JUP: variants seen among roughly 807,000 people sequenced by gnomAD.
JUP encodes junction plakoglobin.
JUP carries 28 observed loss-of-function variants against 71.1 expected under a neutral mutation model. That is an observed-to-expected ratio of 0.39 (90% confidence interval 0.29 to 0.54). The LOEUF (loss-of-function observed/expected upper bound fraction) is 0.54. JUP is among the 20% of genes least tolerant of loss of function. The pLI, the probability that JUP is intolerant of heterozygous loss-of-function variation, is 0.62. For synonymous variants in JUP, 401 were observed against 438.9 expected, an observed-to-expected ratio of 0.91 and a Z score of 1.08; for missense variants, 869 against 1,030.1, an observed-to-expected ratio of 0.84 and a Z score of 2.14.
At chr17:41,778,337 G>A (rs2046982454) in intron 1 of JUP, among the ~76,000 whole-genome samples, 1 of 152,156 alleles carries the variant, frequency 6.6e-6, no homozygotes, top group South Asian at 2.1e-4. Context: ...GGCCAAGGCA[G>A]GTGAATCCCC....
At chr17:41,775,105 CAA>C (rs782000280) in intron 1 of JUP, among the ~76,000 whole-genome samples, 48 of 126,046 alleles carry the variant, frequency 3.8e-4, no homozygotes, top group Admixed American at 4.1e-4. Context: ...GACCCTGTCT[CAA>C]AAAAAAAAAA....
intron 5 of JUP, among the ~76,000 whole-genome samples, chr17:41,765,383 G>A (rs186716112): frequency 2.7e-5 from 4 of 148,672 alleles, no homozygotes; most frequent in Admixed American, 1.4e-4. Flanking sequence ...ATAGAGTCTC[G>A]CTCTGTCACC....
chr17:41,766,872 GAAAGA>G (rs1198483034), intron 5 of JUP, among the ~76,000 whole-genome samples: 2 of 148,552 alleles, frequency 1.3e-5, no homozygotes, highest in East Asian at 2.0e-4. Flanking sequence ...AAAAAAAAAA[GAAAGA>G]AAAGAAAAGG....
chr17:41,772,271 C>A, intron 1 of JUP: 1 of 320,572 alleles, frequency 3.1e-6, no homozygotes. Context: ...TCCCCTGGGC[C>A]CACCCTCAAC....
chr17:41,770,162 A>G (rs1410539909), intron 2 of JUP, among the ~76,000 whole-genome samples: 1 of 152,058 alleles, frequency 6.6e-6, no homozygotes, highest in African/African-American at 2.4e-5. Flanking sequence ...TTACACCCTC[A>G]TCATCCCCAA....
At chr17:41,767,619 G>C in intron 4 of JUP, 39 bp from the exon 5 acceptor site, 2 of 1,548,650 alleles carry the variant, frequency 1.3e-6, no homozygotes, top group East Asian at 4.5e-5. Context: ...TGAGGTCCCA[G>C]AGGCCTGGCA....
Position 41,767,588 on chromosome 17 carries a change from G to A in JUP, c.708-8C>T. ...ACCGACTCCACAGGGGAGCTGGGGG[G>A]GTGGGCAGGGGTTAGTACGCTGAGG... On this transcript the variant is annotated splice_region_variant and splice_polypyrimidine_tract_variant and intron_variant, in intron 4 of 13. Transcript: ENST00000393931. 2 of 1,582,226 alleles carry A rather than the reference G, an allele frequency of 1.3e-6. No homozygotes were observed. Among genetic ancestry groups the A allele is most frequent in the Admixed American group, 1.7e-5 (1 of 59,916 alleles).
intron 12 of JUP, 43 bp downstream of exon 12, chr17:41,757,372 A>G (rs782042011): frequency 6.2e-7 from 1 of 1,613,330 alleles, no homozygotes; most frequent in South Asian, 1.1e-5. Flanking sequence ...GGCAGTGCCC[A>G]ACTTGCACAA....
intron 1 of JUP, among the ~76,000 whole-genome samples, chr17:41,775,084 C>T (rs561653875): frequency 6.7e-6 from 1 of 149,856 alleles, no homozygotes; most frequent in Non-Finnish European, 1.5e-5. Context: ...GCCTGGCTGA[C>T]AACAGAGCAA....
intron 8 of JUP, 52 bp from the exon 9 acceptor site, chr17:41,758,922 T>G (rs1555599930): frequency 6.5e-7 from 1 of 1,530,190 alleles, no homozygotes; most frequent in South Asian, 1.2e-5. Flanking sequence ...ATCTGAAGGA[T>G]CCCAGCTTCC....
intron 1 of JUP, among the ~76,000 whole-genome samples, chr17:41,782,465 C>A (rs910190602): frequency 6.6e-6 from 1 of 152,144 alleles, no homozygotes; most frequent in Non-Finnish European, 1.5e-5. Context: ...TTGGCATAGC[C>A]CCAGCCCCCA....
In JUP at chr17:41,757,647, G is replaced by A. The variant is rs782068474; in HGVS notation, c.1911C>T (p.Arg637=). The change falls in exon 11 of 14, where the codon CGC becomes CGT. Residue 637 remains arginine (R), a synonymous_variant. Transcript: ENST00000393931. ...CCCCCAGCTCACCAGTGCCCTCGTT[G>A]CGGGAGTGCAGCAACTCCATGAGTG... ...SAPLMELLHS[R]NEGTATYAAA... 3.1e-6 allele frequency: 5 copies of A among 1,613,746 alleles called. No individual in the cohort carries two copies. The South Asian group carries it at 4.4e-5, about 14-fold the overall frequency.
rs560055218 is a variant in JUP, at chr17:41,769,804, C to T, written c.209-127G>A. On this transcript the variant is annotated intron_variant, in intron 2 of 13. Coordinates refer to ENST00000393931, the MANE Select transcript of JUP (RefSeq NM_002230.4). Reference sequence around the variant, plus strand: ...CCTCTTGCCCTGCCCAAACCCCCAGCACATGACTGGCCATTCTACCTCTCA... The same window carrying T: ...CCTCTTGCCCTGCCCAAACCCCCAGTACATGACTGGCCATTCTACCTCTCA... 66 of 1,051,834 alleles carry T rather than the reference C, an allele frequency of 6.3e-5. No individual in the cohort carries two copies. In the African/African-American group the frequency reaches 1.0e-3, roughly 17 times the overall value. 65.2% of individuals were successfully genotyped at this position (1,051,834 alleles called of 1,614,324 possible).
At chr17:41,758,673 A>AC (rs782740218) in intron 9 of JUP, 42 bp downstream of exon 9, 7 of 1,591,424 alleles carry the variant, frequency 4.4e-6, no homozygotes, top group Admixed American at 1.8e-5. Flanking sequence ...GGACACCCTG[A>AC]CCCCCCAGGA....
rs201704572 is a variant in JUP, at chr17:41,757,529, G to A, written c.1932C>T (p.Tyr644=). 46 of 1,614,206 alleles carry A rather than the reference G, an allele frequency of 2.8e-5. No homozygotes were observed. The East Asian group carries it at 4.5e-4, about 16-fold the overall frequency. The change falls in exon 12 of 14, where the codon TAC becomes TAT. Residue 644 remains tyrosine, a synonymous_variant. Transcript: ENST00000393931. The stretch of plus-strand genomic sequence containing the variant: ...AGATGCGGAACAGGACGGCAGCAGC[G>A]TAGGTGGCTGAGCAGAGAGGAAAGG... ...LHSRNEGTAT[Y]AAAVLFRISE... is the part of the protein sequence containing the mutation.
At chr17:41,782,626 G>C (rs1029813734) in intron 1 of JUP, among the ~76,000 whole-genome samples, 8 of 151,986 alleles carry the variant, frequency 5.3e-5, no homozygotes, top group Non-Finnish European at 5.9e-5. Context: ...CCCTGGCCTT[G>C]GGGAGAAGCC....
chr17:41,772,170 G>A (rs890604893), intron 1 of JUP: 36 of 471,656 alleles, frequency 7.6e-5, no homozygotes, highest in Middle Eastern at 6.2e-4. Context: ...GCCAGCTGCC[G>A]CCAGAAGCCC....
At chr17:41,775,292 G>C (rs1555608315) in intron 1 of JUP, among the ~76,000 whole-genome samples, 2 of 152,158 alleles carry the variant, frequency 1.3e-5, no homozygotes, top group East Asian at 1.9e-4. Context: ...CCAGTTCAGA[G>C]AGAGGACACA....
chr17:41,764,630 C>CAGT, intron 7 of JUP, 83 bp downstream of exon 7: 1 of 1,088,674 alleles, frequency 9.2e-7, no homozygotes, highest in Non-Finnish European at 1.4e-6. Context: ...AGTCCTCCCA[C>CAGT]AGTACCTCAG....
Sources: allele counts gnomAD v4.1 joint callset (sites outside exome capture counted in the v4.1 genomes callset), GRCh38; gene constraint gnomAD v4.1.1; transcripts MANE v1.5; gene names NCBI Gene and HGNC (gene_info 2026-07-23, HGNC 2026-07-21).